OPA1: variants seen among roughly 807,000 people sequenced by gnomAD.
OPA1 encodes the protein dynamin-like GTPase OPA1, mitochondrial.
In OPA1, 59 loss-of-function variants were observed where a neutral mutation model predicts 152.9. The ratio of observed to expected loss-of-function variants is 0.39; its 90% CI spans 0.31 to 0.48. The LOEUF (loss-of-function observed/expected upper bound fraction) is 0.48. OPA1 is among the 20% of genes least tolerant of loss of function. OPA1 has a pLI of 0.96. For missense variants in OPA1, 1,008 were observed against 1,216.8 expected (o/e 0.83, Z 2.55); for synonymous variants, 400 against 389.9 (o/e 1.03, Z -0.31).
At chr3:193,595,833 T>C (rs1292888490) in intron 1 of OPA1, among the ~76,000 whole-genome samples, 1 of 152,182 alleles carries the variant, frequency 6.6e-6, no homozygotes, top group Non-Finnish European at 1.5e-5. Context: ...TAGACATCTC[T>C]TAGGAGGATA....
intron 6 of OPA1, among the ~76,000 whole-genome samples, chr3:193,624,581 C>G (rs1475318386): frequency 1.3e-5 from 2 of 151,988 alleles, no homozygotes; most frequent in African/African-American, 4.8e-5. Context: ...TAGTAGTTAG[C>G]ATTGTCTTTC....
intron 9 of OPA1, 42 bp downstream of exon 9, chr3:193,635,564 T>G: frequency 8.4e-7 from 1 of 1,187,292 alleles, no homozygotes; most frequent in Non-Finnish European, 1.3e-6. Flanking sequence ...ATTTTACCGC[T>G]TAACGTTGTG....
chr3:193,665,410 A>G (rs970632913), intron 27 of OPA1, among the ~76,000 whole-genome samples: 3 of 151,962 alleles, frequency 2.0e-5, no homozygotes, highest in African/African-American at 7.2e-5. Flanking sequence ...TGTGTGTGTA[A>G]CATAACCATC....
At position 193,615,034 on chromosome 3, in the gene OPA1, C is replaced by T. The variant is rs200983556; in HGVS notation, c.344C>T (p.Ala115Val). The T allele has an allele frequency of 1.8e-4, 285 of 1,612,582 alleles. No individual in the cohort carries two copies. The highest frequency in any genetic ancestry group is 4.0e-4 in the South Asian group (36 of 91,058). ...TCGGCTGTTGGGGGTGGCTACACAG[C>T]CAAAAAGGTGAACTTGACATTCCTC... ...LGSAVGGGYTAKKTFDQWKDM... is the reference protein window; with the variant it reads ...LGSAVGGGYTVKKTFDQWKDM... Residue 115 changes from alanine to valine, a missense_variant, in exon 2 of 31, where the codon GCC becomes GTC. Around this residue, in one of 7 missense-constraint regions of OPA1, gnomAD observed 408 missense variants for 395.1 expected, o/e 1.03. Coordinates refer to ENST00000361510, the MANE Select transcript of OPA1 (RefSeq NM_130837.3).
At chr3:193,688,172 A>G (rs958286893) in intron 29 of OPA1, among the ~76,000 whole-genome samples, 3 of 152,040 alleles carry the variant, frequency 2.0e-5, no homozygotes, top group Non-Finnish European at 4.4e-5. Flanking sequence ...CTTCTGTGCC[A>G]TATTTTGGGC....
At chr3:193,667,546 C>T (rs1377910253) in intron 29 of OPA1, 1 of 401,242 alleles carries the variant, frequency 2.5e-6, no homozygotes, top group Non-Finnish European at 4.8e-6. Context: ...TGGTGGGTGC[C>T]TATAGTCCCA....
chr3:193,675,516 T>G (rs1395965192), intron 29 of OPA1, among the ~76,000 whole-genome samples: 1 of 152,042 alleles, frequency 6.6e-6, no homozygotes, highest in Non-Finnish European at 1.5e-5. Flanking sequence ...CCTTTTCCCT[T>G]TCTTTTTATG....
intron 29 of OPA1, among the ~76,000 whole-genome samples, chr3:193,691,126 C>T (rs141053290): frequency 4.0e-4 from 61 of 152,288 alleles, no homozygotes; most frequent in South Asian, 1.5e-3. Context: ...GAGGCCAAGG[C>T]GGGAGGATCA....
intron 29 of OPA1, among the ~76,000 whole-genome samples, chr3:193,675,975 T>C (rs776441976): frequency 2.0e-5 from 3 of 152,224 alleles, no homozygotes; most frequent in Non-Finnish European, 4.4e-5. Context: ...ATTTCTCTTG[T>C]AGAGCAGCTT....
Position 193,596,290 on chromosome 3 carries a change from C to T in OPA1, c.32+2881C>T, listed in dbSNP as rs1481504353. On this transcript the variant is annotated intron_variant, in intron 1 of 30. Transcript: ENST00000361510. ...TGTTGATTTTTTTAATATTGGCCATCGCAACTTTTCTTTTCTTTTCCTTTC... is the reference window on the plus strand; with the variant it reads ...TGTTGATTTTTTTAATATTGGCCATTGCAACTTTTCTTTTCTTTTCCTTTC... 2.1e-5 allele frequency among the ~76,000 whole-genome samples: 3 copies of T among 141,440 alleles called. No individual in the cohort carries two copies. The Admixed American group carries it at 2.2e-4, about 10-fold the overall frequency. 92.8% of individuals were successfully genotyped at this position (141,440 alleles called of 152,430 possible).
At chr3:193,632,777 G>A (rs1394392219) in intron 8 of OPA1, among the ~76,000 whole-genome samples, 2 of 152,072 alleles carry the variant, frequency 1.3e-5, no homozygotes, top group Non-Finnish European at 2.9e-5. Flanking sequence ...GGCTAAGGCG[G>A]GAGGATCACT....
Position 193,658,884 on chromosome 3 carries a change from C to T in OPA1, c.2332-3C>T, listed in dbSNP as rs780865663. 1.2e-6 allele frequency: 2 copies of T among 1,606,110 alleles called. No homozygotes were observed. The highest frequency in any genetic ancestry group is 2.7e-5 in the African/African-American group (2 of 74,692). ...TGGCTTTTTCTCTTCTTGTTATTTTCAGAGGGTTATTCAACACAATGCTTT... is the reference window on the plus strand; with the variant it reads ...TGGCTTTTTCTCTTCTTGTTATTTTTAGAGGGTTATTCAACACAATGCTTT... On this transcript the variant is annotated splice_region_variant and splice_polypyrimidine_tract_variant and intron_variant, in intron 23 of 30. Transcript: ENST00000361510.
At chr3:193,666,549 A>G (rs1360143494) in intron 28 of OPA1, among the ~76,000 whole-genome samples, 160 bp downstream of exon 28, 1 of 152,224 alleles carries the variant, frequency 6.6e-6, no homozygotes, top group African/African-American at 2.4e-5. Context: ...GCATGTTGAG[A>G]GGCCGAGGCA....
intron 21 of OPA1, 129 bp downstream of exon 21, chr3:193,649,000 T>C: frequency 1.5e-6 from 1 of 662,172 alleles, no homozygotes; most frequent in Non-Finnish European, 2.7e-6. Context: ...CGTAATAGTA[T>C]ATTTTTTTGG....
chr3:193,658,091 C>T (rs1714304172), intron 23 of OPA1, among the ~76,000 whole-genome samples: 1 of 151,912 alleles, frequency 6.6e-6, no homozygotes, highest in African/African-American at 2.4e-5. Flanking sequence ...ACTAAAAATA[C>T]AAAATTAACC....
intron 29 of OPA1, among the ~76,000 whole-genome samples, chr3:193,676,529 G>GA (rs1719010724): frequency 6.6e-6 from 1 of 152,172 alleles, no homozygotes; most frequent in South Asian, 2.1e-4. Flanking sequence ...AATCCTCAAG[G>GA]AAAGTCCTCT....
At chr3:193,610,766 C>G (rs1728100717) in intron 1 of OPA1, among the ~76,000 whole-genome samples, 3 of 152,358 alleles carry the variant, frequency 2.0e-5, no homozygotes, top group Admixed American at 1.3e-4. Flanking sequence ...TCGCTGCCAC[C>G]TTGCAGTTTG....
intron 22 of OPA1, among the ~76,000 whole-genome samples, chr3:193,655,314 T>C (rs563035912): frequency 6.6e-6 from 1 of 151,146 alleles, no homozygotes; most frequent in Admixed American, 6.6e-5. Flanking sequence ...AATATTTGCT[T>C]GAGTATTTGC....
intron 8 of OPA1, among the ~76,000 whole-genome samples, 169 bp from the exon 9 acceptor site, chr3:193,635,249 A>G (rs1468339877): frequency 6.6e-6 from 1 of 152,192 alleles, no homozygotes; most frequent in Non-Finnish European, 1.5e-5. Flanking sequence ...TGTAAGAGAT[A>G]ATAGTCATTG....
Sources: gnomAD v4.1 joint callset for allele counts (sites outside exome capture counted in the v4.1 genomes callset) on GRCh38, gnomAD v4.1.1 for gene constraint, gnomAD v4.1.1 regional missense constraint, MANE v1.5 for transcripts, NCBI Gene and HGNC (gene_info 2026-07-23, HGNC 2026-07-21) for gene names.